The following ATG3 variants were observed in gnomAD, a reference collection of about 807,000 sequenced individuals.
ATG3 encodes autophagy related 3.
ATG3 carries 25 observed loss-of-function variants against 50.7 expected under a neutral mutation model. The ratio of observed to expected loss-of-function variants is 0.49; its 90% confidence interval spans 0.36 to 0.69. The LOEUF is 0.69. Among genes scored for constraint, ATG3 ranks in the 30% least tolerant of loss-of-function variants. The pLI, the probability that ATG3 is intolerant of heterozygous loss-of-function variation, is 0.00. For synonymous variants in ATG3, 119 were observed against 125.5 expected (o/e 0.95, Z 0.34); for missense variants, 281 against 376.0 (o/e 0.75, Z 2.09).
intron 6 of ATG3, among the ~76,000 whole-genome samples, chr3:112,543,485 CA>C (rs1043676255): frequency 1.5e-4 from 23 of 152,070 alleles, no homozygotes; most frequent in Non-Finnish European, 2.9e-5. Flanking sequence ...TCTATTCATT[CA>C]AAATGTCATG....
intron 7 of ATG3, among the ~76,000 whole-genome samples, chr3:112,538,593 T>C (rs1328026528): frequency 6.6e-6 from 1 of 152,224 alleles, no homozygotes; most frequent in African/African-American, 2.4e-5. Flanking sequence ...TAAAATATTT[T>C]CCTGGCTTTC....
intron 5 of ATG3, among the ~76,000 whole-genome samples, chr3:112,544,357 G>A (rs1445046762): frequency 6.6e-6 from 1 of 152,088 alleles, no homozygotes; most frequent in Non-Finnish European, 1.5e-5. Flanking sequence ...AACACTTTCT[G>A]AGAAACAGAA....
At chr3:112,554,996 C>G (rs1302690690) in intron 2 of ATG3, among the ~76,000 whole-genome samples, 1 of 152,104 alleles carries the variant, frequency 6.6e-6, no homozygotes, top group Non-Finnish European at 1.5e-5. Flanking sequence ...CTCATTGCAA[C>G]CAGATGCTAC....
At chr3:112,548,686 A>C (rs1359762998) in intron 4 of ATG3, 46 bp from the exon 5 acceptor site, 27 of 1,482,984 alleles carry the variant, frequency 1.8e-5, no homozygotes, top group Non-Finnish European at 2.4e-5. Flanking sequence ...GTAATCTGCT[A>C]ACCATAAATC....
At chr3:112,558,483 G>A (rs900235435) in intron 1 of ATG3, 66 bp from the exon 2 acceptor site, 1 of 1,334,330 alleles carries the variant, frequency 7.5e-7, no homozygotes, top group East Asian at 2.3e-5. Context: ...ATATTTTGGG[G>A]GCAATTATTT....
At chr3:112,533,128 G>C in intron 11 of ATG3, 1 of 997,912 alleles carries the variant, frequency 1.0e-6, no homozygotes, top group Non-Finnish European at 1.2e-6. Context: ...AGTTATGTCA[G>C]AAAATGAGGC....
At chr3:112,535,518 ACT>A (rs1272842875) in intron 10 of ATG3, 2 of 152,166 alleles carry the variant, frequency 1.3e-5, no homozygotes, top group Non-Finnish European at 2.9e-5. Context: ...CAAGAGAATA[ACT>A]CTAAAAACTG....
intron 7 of ATG3, among the ~76,000 whole-genome samples, chr3:112,541,192 T>C (rs1933214250): frequency 6.6e-6 from 1 of 152,008 alleles, no homozygotes; most frequent in Admixed American, 6.6e-5. Flanking sequence ...ATCGAGACCA[T>C]CCTGGCCAAC....
At chr3:112,539,101 G>C (rs950261215) in intron 7 of ATG3, among the ~76,000 whole-genome samples, 1 of 152,042 alleles carries the variant, frequency 6.6e-6, no homozygotes, top group Non-Finnish European at 1.5e-5. Context: ...CCAATGTTAC[G>C]ACCCTAGCCC....
chr3:112,552,093 C>T (rs548185088), intron 3 of ATG3, among the ~76,000 whole-genome samples: 1 of 151,776 alleles, frequency 6.6e-6, no homozygotes, highest in Non-Finnish European at 1.5e-5. Context: ...CAATTGGAAA[C>T]TTATTAATTA....
intron 8 of ATG3, 41 bp from the exon 9 acceptor site, chr3:112,537,931 G>A (rs202154598): frequency 2.0e-5 from 30 of 1,514,466 alleles, no homozygotes; most frequent in Middle Eastern, 1.8e-4. Context: ...CCATTAAATC[G>A]GTATGAATGT....
chr3:112,556,326 C>A (rs1277050582), intron 2 of ATG3, among the ~76,000 whole-genome samples: 1 of 151,292 alleles, frequency 6.6e-6, no homozygotes, highest in East Asian at 1.9e-4. Context: ...AAGTGAGGAG[C>A]CCCTCTGCCC....
At chr3:112,549,035 G>C (rs1218926337) in intron 4 of ATG3, among the ~76,000 whole-genome samples, 4 of 152,224 alleles carry the variant, frequency 2.6e-5, no homozygotes, top group South Asian at 2.1e-4. Flanking sequence ...ATCATAGTCA[G>C]TGGTGGTAAA....
At position 112,561,522 on chromosome 3, in the gene ATG3, T is replaced by A. The variant is rs771721978; in HGVS notation, c.7A>T (p.Asn3Tyr). 6.2e-7 allele frequency: 1 copy of A among 1,602,694 alleles called. No individual in the cohort carries two copies. Among genetic ancestry groups the A allele is most frequent in the South Asian group, 1.1e-5 (1 of 90,776 alleles). MQ[N>Y]VINTVKGKAL... ...TTTCCCTTCACAGTATTAATCACAT[T>A]CTGCATCCTGGGGCCGGAGTAGCGG... is the stretch of plus-strand genomic sequence containing the variant. The change falls in exon 1 of 12, where the codon AAT (asparagine) becomes TAT (tyrosine). Residue 3 changes from asparagine (N) to tyrosine (Y), a missense_variant. This residue lies in a region of ATG3 where 22 missense variants were observed against 22.7 expected (regional missense o/e 0.97). Coordinates refer to ENST00000283290, the MANE Select transcript of ATG3 (RefSeq NM_022488.5).
chr3:112,539,113 A>G (rs1253120820), intron 7 of ATG3, among the ~76,000 whole-genome samples: 1 of 152,296 alleles, frequency 6.6e-6, no homozygotes, highest in East Asian at 1.9e-4. Flanking sequence ...CCCTAGCCCA[A>G]GCCACCATCA....
intron 2 of ATG3, chr3:112,558,036 C>A (rs892815053): frequency 5.2e-6 from 1 of 193,880 alleles, no homozygotes; most frequent in Non-Finnish European, 1.0e-5. Context: ...TTGATGTAAA[C>A]AGAACCAAGA....
chr3:112,542,145 C>G (rs1933250253), intron 6 of ATG3, among the ~76,000 whole-genome samples: 1 of 151,968 alleles, frequency 6.6e-6, no homozygotes, highest in African/African-American at 2.4e-5. Context: ...AAAATAATTG[C>G]CAGTTGCACT....
rs532979835 is a variant in ATG3, at chr3:112,546,309, A to AT, written c.344-2204dup. ...GTACCAAACCCTACCTACGCTGTAC[A>AT]TGACAGTCGACCTGATAATCGAGTT... On this transcript the variant is annotated intron_variant, in intron 5 of 11. Transcript: ENST00000283290. Among the ~76,000 whole-genome samples, 28 of 152,310 alleles carry AT rather than the reference A, an allele frequency of 1.8e-4. No individual in the cohort carries two copies. The East Asian group carries it at 5.2e-3, about 28-fold the overall frequency.
rs1933702763 is a variant in ATG3, at chr3:112,556,984, TC to T, written c.114+1391del. On this transcript the variant is annotated intron_variant, in intron 2 of 11. Coordinates refer to ENST00000283290, the MANE Select transcript of ATG3 (RefSeq NM_022488.5). ...ACTATTGTCCTGTGACCCTGCCAAA[TC>T]CCCCTCTGCGAGAAACACCCAAGAA... Among the ~76,000 whole-genome samples, 6 of 142,016 alleles carry T rather than the reference TC, an allele frequency of 4.2e-5. No individual in the cohort carries two copies. In the South Asian group the frequency reaches 1.3e-3, roughly 32 times the overall value. 93.2% of individuals were successfully genotyped at this position (142,016 alleles called of 152,430 possible).
Sources: gnomAD v4.1 joint callset for allele counts (sites outside exome capture counted in the v4.1 genomes callset) on GRCh38, gnomAD v4.1.1 for gene constraint, gnomAD v4.1.1 regional missense constraint, MANE v1.5 for transcripts, NCBI Gene and HGNC (gene_info 2026-07-23, HGNC 2026-07-21) for gene names.